FOXN3: variants seen among roughly 807,000 people sequenced by gnomAD.
The protein encoded by FOXN3 is forkhead box N3.
FOXN3 carries 7 observed loss-of-function variants against 38.4 expected under a neutral mutation model. The observed-to-expected ratio is 0.18, with a 90% CI of 0.10 to 0.34. The LOEUF (loss-of-function observed/expected upper bound fraction) is 0.34. Ranked by LOEUF, FOXN3 falls within the 10% of genes least tolerant of loss-of-function variation. FOXN3 has a pLI of 1.00. For missense variants in FOXN3, 456 were observed against 613.4 expected (o/e 0.74, Z 2.71); for synonymous variants, 230 against 242.2 (o/e 0.95, Z 0.47).
chr14:89,456,125 C>T (rs907567714), intron 1 of FOXN3, among the ~76,000 whole-genome samples: 2 of 137,734 alleles, frequency 1.5e-5, no homozygotes, highest in African/African-American at 5.4e-5. Context: ...ACCTGGGAGG[C>T]GGAGGTAGCC....
chr14:89,395,324 A>G (rs994425910), intron 2 of FOXN3, among the ~76,000 whole-genome samples: 2 of 152,156 alleles, frequency 1.3e-5, no homozygotes, highest in Non-Finnish European at 2.9e-5. Flanking sequence ...CCCACAAGAG[A>G]AGGTTTACTG....
intron 1 of FOXN3, among the ~76,000 whole-genome samples, chr14:89,517,206 T>C (rs982989922): frequency 4.0e-5 from 6 of 151,602 alleles, no homozygotes; most frequent in African/African-American, 1.5e-4. Context: ...CTACTAAAAA[T>C]AGAAAAATTA....
chr14:89,188,472 CA>C (rs1448847379), intron 4 of FOXN3, among the ~76,000 whole-genome samples: 1 of 152,204 alleles, frequency 6.6e-6, no homozygotes, highest in African/African-American at 2.4e-5. Context: ...AGGCCTGCTT[CA>C]CCAGACTCTT....
intron 1 of FOXN3, among the ~76,000 whole-genome samples, chr14:89,569,491 G>A (rs1895445588): frequency 6.6e-6 from 1 of 152,270 alleles, no homozygotes; most frequent in Non-Finnish European, 1.5e-5. Flanking sequence ...TGATCACACT[G>A]AGCACTGTAT....
intron 2 of FOXN3, among the ~76,000 whole-genome samples, chr14:89,371,971 C>G (rs912371025): frequency 1.3e-5 from 2 of 152,050 alleles, no homozygotes; most frequent in African/African-American, 4.8e-5. Flanking sequence ...GGGGAGTGCA[C>G]CCCCGGCTTT....
At chr14:89,506,759 CTTT>C (rs1191328915) in intron 1 of FOXN3, among the ~76,000 whole-genome samples, 1 of 152,066 alleles carries the variant, frequency 6.6e-6, no homozygotes, top group Non-Finnish European at 1.5e-5. Flanking sequence ...ACACGGGAGA[CTTT>C]TCATTTTGTT....
At chr14:89,354,718 T>A (rs1232866971) in intron 2 of FOXN3, among the ~76,000 whole-genome samples, 1 of 151,236 alleles carries the variant, frequency 6.6e-6, no homozygotes, top group East Asian at 2.0e-4. Context: ...AGCTGGGTTT[T>A]GTGGTGGGTG....
At chr14:89,181,928 T>C (rs1034808732) in intron 4 of FOXN3, among the ~76,000 whole-genome samples, 6 of 152,176 alleles carry the variant, frequency 3.9e-5, no homozygotes, top group Non-Finnish European at 5.9e-5. Context: ...TGGATCTCTG[T>C]TTCCCTCTCC....
At chr14:89,380,828 T>C (rs899103614) in intron 2 of FOXN3, among the ~76,000 whole-genome samples, 4 of 152,082 alleles carry the variant, frequency 2.6e-5, no homozygotes. Flanking sequence ...GAGCTCTACA[T>C]GTTAAGACTC....
intron 3 of FOXN3, among the ~76,000 whole-genome samples, chr14:89,297,421 G>A (rs773159949): frequency 3.9e-5 from 6 of 152,120 alleles, no homozygotes; most frequent in East Asian, 1.9e-4. Context: ...TTAGCCGGGC[G>A]TGGTGGCGGG....
At chr14:89,517,136 G>A (rs1025201588) in intron 1 of FOXN3, among the ~76,000 whole-genome samples, 7 of 152,056 alleles carry the variant, frequency 4.6e-5, no homozygotes, top group Admixed American at 4.6e-4. Flanking sequence ...TGAGGGCCAG[G>A]TTCTCCTACC....
chr14:89,349,640 A>G (rs1278365699), intron 3 of FOXN3: 1 of 152,680 alleles, frequency 6.5e-6, no homozygotes, highest in Non-Finnish European at 1.5e-5. Context: ...CAGAGAGCCC[A>G]GCTGTTCCTC....
chr14:89,379,875 G>A (rs575104215), intron 2 of FOXN3, among the ~76,000 whole-genome samples: 2 of 152,104 alleles, frequency 1.3e-5, no homozygotes, highest in African/African-American at 4.8e-5. Context: ...TGGCCAGGCT[G>A]GTCTCAAACT....
chr14:89,392,114 T>C (rs1469854563), intron 2 of FOXN3, among the ~76,000 whole-genome samples: 1 of 152,158 alleles, frequency 6.6e-6, no homozygotes, highest in Admixed American at 6.5e-5. Context: ...GTGAACCCAG[T>C]TAGGTTTCAA....
intron 4 of FOXN3, chr14:89,223,484 G>C (rs920337929): frequency 1.3e-5 from 2 of 152,408 alleles, no homozygotes; most frequent in African/African-American, 4.8e-5. Context: ...ACCTTTGTGA[G>C]CTTCCTCAGG....
intron 1 of FOXN3, among the ~76,000 whole-genome samples, chr14:89,532,383 T>C (rs556014471): frequency 6.6e-6 from 1 of 152,300 alleles, no homozygotes; most frequent in East Asian, 1.9e-4. Flanking sequence ...ACATAGAAGC[T>C]TTCTTGTTGA....
At chr14:89,279,047 A>G (rs2139914705) in intron 4 of FOXN3, among the ~76,000 whole-genome samples, 1 of 152,214 alleles carries the variant, frequency 6.6e-6, no homozygotes, top group East Asian at 1.9e-4. Flanking sequence ...AAAAAATATT[A>G]TCACAACAAA....
chr14:89,526,968 TAAA>T (rs754193513), intron 1 of FOXN3, among the ~76,000 whole-genome samples: 1 of 151,928 alleles, frequency 6.6e-6, no homozygotes, highest in Non-Finnish European at 1.5e-5. Flanking sequence ...TAAACAAAAG[TAAA>T]AAAGTAATTT....
chr14:89,301,918 C>G (rs1270158822), intron 3 of FOXN3, among the ~76,000 whole-genome samples: 2 of 152,152 alleles, frequency 1.3e-5, no homozygotes, highest in African/African-American at 4.8e-5. Context: ...ACCCTGTCTA[C>G]TCACTCCTTT....
Sources: allele counts gnomAD v4.1 joint callset (sites outside exome capture counted in the v4.1 genomes callset), GRCh38; gene constraint gnomAD v4.1.1; transcripts MANE v1.5; gene names NCBI Gene and HGNC (gene_info 2026-07-23, HGNC 2026-07-21).